Variants in TENM3 observed in about 807,000 individuals in gnomAD.
TENM3 encodes teneurin transmembrane protein 3, also known as teneurin-3.
In TENM3, 63 loss-of-function variants were observed where a neutral mutation model predicts 255.1. The observed-to-expected ratio is 0.25, with a 90% CI of 0.20 to 0.30. TENM3 has a LOEUF of 0.30. Among genes scored for constraint, TENM3 ranks in the 10% least tolerant of loss-of-function variants. TENM3 has a pLI of 1.00. For missense variants in TENM3, 2,929 were observed against 3,461.1 expected (o/e 0.85, Z 3.86); for synonymous variants, 1,306 against 1,322.3 (o/e 0.99, Z 0.27).
the TENM3 span, among the ~76,000 whole-genome samples, chr4:181,992,503 G>C: frequency 1.3e-5 from 2 of 152,044 alleles, no homozygotes; most frequent in African/African-American, 2.4e-5. Flanking sequence ...AATGTTGATA[G>C]AGCTATTTAT....
chr4:181,619,272 C>A, the TENM3 span, among the ~76,000 whole-genome samples: 2 of 152,084 alleles, frequency 1.3e-5, no homozygotes, highest in African/African-American at 4.8e-5. Flanking sequence ...CCTGTCCATA[C>A]CCTCATCAAT....
intron 3 of TENM3, among the ~76,000 whole-genome samples, chr4:182,576,150 T>C (rs1744894851): frequency 1.3e-5 from 2 of 152,204 alleles, no homozygotes; most frequent in South Asian, 4.1e-4. Context: ...TCCTGTCACA[T>C]CATGAGCAGT....
intron 3 of TENM3, among the ~76,000 whole-genome samples, chr4:182,468,412 T>C (rs951026768): frequency 1.3e-5 from 2 of 152,182 alleles, no homozygotes; most frequent in African/African-American, 4.8e-5. Flanking sequence ...AGTCCTGATC[T>C]GTGCTCAGCT....
intron 1 of TENM3, among the ~76,000 whole-genome samples, chr4:182,283,265 C>A (rs1371429239): frequency 6.6e-6 from 1 of 152,148 alleles, no homozygotes; most frequent in Admixed American, 6.5e-5. Flanking sequence ...AAACACTTTT[C>A]TTCATGTTAA....
chr4:182,149,469 T>C (rs1254978641), intron 1 of TENM3, among the ~76,000 whole-genome samples: 1 of 152,056 alleles, frequency 6.6e-6, no homozygotes, highest in Non-Finnish European at 1.5e-5. Flanking sequence ...AACCCATGTC[T>C]TTCTATTTTA....
intron 3 of TENM3, among the ~76,000 whole-genome samples, chr4:182,414,980 G>A (rs147226199): frequency 6.6e-5 from 10 of 152,274 alleles, no homozygotes; most frequent in Non-Finnish European, 1.2e-4. Context: ...GTGCTACTTC[G>A]CTAGTTTTCA....
the TENM3 span, among the ~76,000 whole-genome samples, chr4:181,532,097 T>C: frequency 2.6e-5 from 4 of 152,256 alleles, no homozygotes; most frequent in East Asian, 7.7e-4. Context: ...ATAATAGAAG[T>C]AGAGCGTGTC....
At chr4:182,002,646 C>G in the TENM3 span, among the ~76,000 whole-genome samples, 2 of 152,030 alleles carry the variant, frequency 1.3e-5, no homozygotes, top group African/African-American at 4.8e-5. Context: ...TATTGAATCC[C>G]AGTATCCCTG....
Position 182,691,222 on chromosome 4 carries a change from T to A in TENM3, c.2221+2871T>A, listed in dbSNP as rs575347744. On this transcript the variant is annotated intron_variant, in intron 12 of 27. Coordinates refer to ENST00000511685, the MANE Select transcript of TENM3 (RefSeq NM_001080477.4). ...TCTCACTTGGGATGGTTACTGTTCT[T>A]GCATTTCCTCCCCATTTTAACCCCT... Among the ~76,000 whole-genome samples the A allele has an allele frequency of 2.0e-5, 3 of 152,352 alleles. No homozygotes were observed. In the South Asian group the frequency reaches 6.2e-4, roughly 32 times the overall value.
intron 3 of TENM3, among the ~76,000 whole-genome samples, chr4:182,543,386 G>C (rs1198519841): frequency 6.6e-6 from 1 of 152,180 alleles, no homozygotes; most frequent in Non-Finnish European, 1.5e-5. Context: ...TGCTGCATCT[G>C]GTAGGGTCAT....
chr4:181,789,076 A>T, the TENM3 span, among the ~76,000 whole-genome samples: 13 of 152,112 alleles, frequency 8.5e-5, no homozygotes, highest in African/African-American at 2.9e-4. Flanking sequence ...TATGAAACTG[A>T]CATGCTAGCC....
intron 3 of TENM3, among the ~76,000 whole-genome samples, chr4:182,598,102 G>A (rs1747451246): frequency 6.6e-6 from 1 of 152,150 alleles, no homozygotes; most frequent in Non-Finnish European, 1.5e-5. Context: ...ATTTTCTTGA[G>A]TCCGGGAGGT....
chr4:182,056,564 A>G, the TENM3 span, among the ~76,000 whole-genome samples: 1 of 152,212 alleles, frequency 6.6e-6, no homozygotes, highest in East Asian at 1.9e-4. Context: ...ACCTTTAAAA[A>G]GACTGCAGCA....
At chr4:181,977,871 A>G in the TENM3 span, among the ~76,000 whole-genome samples, 1 of 152,202 alleles carries the variant, frequency 6.6e-6, no homozygotes, top group Non-Finnish European at 1.5e-5. Context: ...GAGAATCAGA[A>G]TAGGATAACG....
the TENM3 span, among the ~76,000 whole-genome samples, chr4:181,477,370 C>T: frequency 2.0e-5 from 3 of 152,118 alleles, no homozygotes; most frequent in Non-Finnish European, 1.5e-5. Flanking sequence ...AATTTACTTA[C>T]TGCCATATAT....
At chr4:182,286,186 G>C (rs1266706086) in intron 1 of TENM3, among the ~76,000 whole-genome samples, 5 of 152,204 alleles carry the variant, frequency 3.3e-5, no homozygotes, top group Admixed American at 3.3e-4. Context: ...CTTGAGTCCA[G>C]CTACTTTGCA....
At chr4:182,467,401 A>G (rs1732698214) in intron 3 of TENM3, among the ~76,000 whole-genome samples, 1 of 152,232 alleles carries the variant, frequency 6.6e-6, no homozygotes, top group African/African-American at 2.4e-5. Flanking sequence ...GATACCATAA[A>G]TACCAAAACT....
chr4:182,324,341 T>C, intron 2 of TENM3, 89 bp downstream of exon 2: 1 of 998,076 alleles, frequency 1.0e-6, no homozygotes. Flanking sequence ...CATGTCTGTT[T>C]TCTGACTTTG....
chr4:181,876,747 A>G, the TENM3 span, among the ~76,000 whole-genome samples: 1 of 152,072 alleles, frequency 6.6e-6, no homozygotes, highest in East Asian at 1.9e-4. Flanking sequence ...TTTTGTTAAG[A>G]ACATTAGATA....
Sources: allele counts gnomAD v4.1 joint callset (sites outside exome capture counted in the v4.1 genomes callset), GRCh38; gene constraint gnomAD v4.1.1; transcripts MANE v1.5; gene names NCBI Gene and HGNC (gene_info 2026-07-23, HGNC 2026-07-21).